Variants in ZNF804B observed in about 807,000 individuals in gnomAD.
The protein encoded by ZNF804B is zinc finger 804B.
ZNF804B carries 80 observed loss-of-function variants against 101.4 expected under a neutral mutation model. That is an observed-to-expected ratio of 0.79 (90% CI 0.66 to 0.95). The LOEUF is 0.95. Among genes scored for constraint, ZNF804B ranks in the 40% least tolerant of loss-of-function variants. ZNF804B has a pLI of 0.00. For synonymous variants in ZNF804B, 622 were observed against 558.8 expected (o/e 1.11, Z -1.59); for missense variants, 1,673 against 1,561.9 (o/e 1.07, Z -1.20).
intron 1 of ZNF804B, among the ~76,000 whole-genome samples, chr7:88,766,604 A>G (rs1789987522): frequency 6.6e-6 from 1 of 152,208 alleles, no homozygotes; most frequent in Non-Finnish European, 1.5e-5. Context: ...TGTTGGCCTT[A>G]AAAGCAACAT....
At chr7:88,956,440 G>C (rs1369640182) in intron 1 of ZNF804B, among the ~76,000 whole-genome samples, 1 of 151,402 alleles carries the variant, frequency 6.6e-6, no homozygotes. Flanking sequence ...CATTGGCTTT[G>C]CTATTAGCAC....
At chr7:89,268,376 C>T (rs1467338023) in intron 2 of ZNF804B, among the ~76,000 whole-genome samples, 3 of 152,184 alleles carry the variant, frequency 2.0e-5, no homozygotes, top group Middle Eastern at 3.4e-3. Context: ...TCCTCTTTCT[C>T]ATGTGTACAT....
intron 2 of ZNF804B, among the ~76,000 whole-genome samples, chr7:89,266,990 T>G (rs1317403529): frequency 1.3e-5 from 2 of 152,144 alleles, no homozygotes; most frequent in African/African-American, 2.4e-5. Context: ...TCTGTGCTAC[T>G]AAATTGGGAA....
At chr7:89,154,608 C>A (rs1261098915) in intron 1 of ZNF804B, among the ~76,000 whole-genome samples, 1 of 151,960 alleles carries the variant, frequency 6.6e-6, no homozygotes, top group African/African-American at 2.4e-5. Context: ...ATAAGCTACC[C>A]ACAGAAAGAC....
At chr7:89,010,702 AT>A (rs1424329786) in intron 1 of ZNF804B, among the ~76,000 whole-genome samples, 6 of 152,198 alleles carry the variant, frequency 3.9e-5, no homozygotes, top group Admixed American at 3.3e-4. Context: ...AAAGAGTTAC[AT>A]GTTGTAAAGC....
chr7:88,952,029 A>G (rs766022174), intron 1 of ZNF804B, among the ~76,000 whole-genome samples: 2 of 151,982 alleles, frequency 1.3e-5, no homozygotes, highest in South Asian at 4.1e-4. Flanking sequence ...TCATTTAGCT[A>G]CAAAGCAATG....
At chr7:88,811,606 A>G (rs1429083892) in intron 1 of ZNF804B, among the ~76,000 whole-genome samples, 2 of 152,206 alleles carry the variant, frequency 1.3e-5, no homozygotes, top group African/African-American at 4.8e-5. Flanking sequence ...GGATAAAGAA[A>G]AGGTGGTACA....
At chr7:89,257,872 C>G (rs756884275) in intron 2 of ZNF804B, among the ~76,000 whole-genome samples, 1 of 152,032 alleles carries the variant, frequency 6.6e-6, no homozygotes, top group Non-Finnish European at 1.5e-5. Flanking sequence ...ATTTGGTTTT[C>G]TGTTCCTGTA....
chr7:88,935,467 T>C (rs2116030124), intron 1 of ZNF804B, among the ~76,000 whole-genome samples: 1 of 151,810 alleles, frequency 6.6e-6, no homozygotes, highest in African/African-American at 2.4e-5. Context: ...GAGGATCACT[T>C]GAGGGTAGGA....
Position 89,298,195 on chromosome 7 carries a change from C to CATATA in ZNF804B, c.250-29149_250-29148insATATA, listed in dbSNP as rs1562940113. Among the ~76,000 whole-genome samples, 238 of 36,804 alleles carry CATATA rather than the reference C, an allele frequency of 6.5e-3. 3 individuals carry two copies. The highest frequency in any genetic ancestry group is 0.021 in the African/African-American group (219 of 10,338). The allele number at this position is 36,804 out of a possible 152,430, so 24.1% of individuals were successfully genotyped here. On this transcript the variant is annotated intron_variant, in intron 2 of 3. Coordinates refer to ENST00000333190, the MANE Select transcript of ZNF804B (RefSeq NM_181646.5). ...ATATATATATAGTGTGTATATATAT[C>CATATA]TATATAGTGTGTGTGTGTGTGTATA...
chr7:89,151,438 A>T (rs2116405714), intron 1 of ZNF804B, among the ~76,000 whole-genome samples: 1 of 152,180 alleles, frequency 6.6e-6, no homozygotes, highest in Admixed American at 6.6e-5. Context: ...AACACTGGTA[A>T]ACATTGAAAA....
chr7:88,932,515 AAAG>A (rs1562835790), intron 1 of ZNF804B, among the ~76,000 whole-genome samples: 1 of 151,964 alleles, frequency 6.6e-6, no homozygotes, highest in African/African-American at 2.4e-5. Flanking sequence ...TTAACCAAGA[AAAG>A]AAGACAGATG....
In ZNF804B at chr7:89,218,196, T is replaced by A. The variant is rs1315033919; in HGVS notation, c.150T>A (p.Asp50Glu). The A allele has an allele frequency of 6.2e-7, 1 of 1,613,856 alleles. No individual in the cohort carries two copies. Among genetic ancestry groups the A allele is most frequent in the South Asian group, 1.1e-5 (1 of 91,064 alleles). Residue 50 changes from aspartate (D) to glutamate (E), a missense_variant, in exon 2 of 4, where the codon GAT (aspartate) becomes GAA (glutamate). By Grantham distance (45) the Asp-to-Glu change is conservative. Transcript: ENST00000333190. ...AGTCCACAGCAAAGGCCCTGGAAGA[T>A]GTAAAGGCAAACTTTTACTGTGAAT... ...EKKSTAKALE[D>E]VKANFYCELC...
intron 2 of ZNF804B, among the ~76,000 whole-genome samples, chr7:89,250,923 C>T (rs531403595): frequency 3.9e-5 from 6 of 152,152 alleles, no homozygotes; most frequent in African/African-American, 1.4e-4. Context: ...AGGAACTAGG[C>T]ATCAAAAGAT....
chr7:89,248,466 G>GAAA (rs139869508), intron 2 of ZNF804B, among the ~76,000 whole-genome samples: 2 of 140,874 alleles, frequency 1.4e-5, no homozygotes, highest in East Asian at 2.0e-4. Flanking sequence ...AGCATTCTTT[G>GAAA]AAAAAAAAAG....
At chr7:89,324,166 G>A (rs1790864109) in intron 2 of ZNF804B, among the ~76,000 whole-genome samples, 1 of 151,030 alleles carries the variant, frequency 6.6e-6, no homozygotes, top group Admixed American at 6.6e-5. Flanking sequence ...GTATTTTGTT[G>A]ATGTTTAATA....
At chr7:89,036,431 G>T (rs1421366314) in intron 1 of ZNF804B, among the ~76,000 whole-genome samples, 1 of 151,778 alleles carries the variant, frequency 6.6e-6, no homozygotes, top group African/African-American at 2.4e-5. Context: ...TAAAATTATG[G>T]TAATTTATGT....
intron 1 of ZNF804B, among the ~76,000 whole-genome samples, chr7:88,813,823 T>C (rs1790831651): frequency 6.6e-6 from 1 of 152,230 alleles, no homozygotes; most frequent in South Asian, 2.1e-4. Flanking sequence ...GATGCTACAT[T>C]AGTTATATAG....
intron 1 of ZNF804B, among the ~76,000 whole-genome samples, chr7:89,187,759 G>C (rs1584040430): frequency 6.6e-6 from 1 of 152,032 alleles, no homozygotes. Flanking sequence ...TATATTAACT[G>C]ACTTCTTTTT....
Sources: allele counts gnomAD v4.1 joint callset (sites outside exome capture counted in the v4.1 genomes callset), GRCh38; gene constraint gnomAD v4.1.1; transcripts MANE v1.5; gene names NCBI Gene and HGNC (gene_info 2026-07-23, HGNC 2026-07-21).